CTNNA3: variants seen among roughly 807,000 people sequenced by gnomAD.
CTNNA3 encodes catenin alpha 3.
CTNNA3 carries 76 observed loss-of-function variants against 95.7 expected under a neutral mutation model. That is an observed-to-expected ratio of 0.79 (90% CI 0.66 to 0.96). The LOEUF (loss-of-function observed/expected upper bound fraction) is 0.96, where lower values mean the gene tolerates loss of function less well. Ranked by LOEUF, CTNNA3 falls within the 40% of genes least tolerant of loss-of-function variation. CTNNA3 has a pLI of 0.00. For synonymous variants in CTNNA3, 431 were observed against 374.4 expected (o/e 1.15, Z -1.74); for missense variants, 1,191 against 1,089.8 (o/e 1.09, Z -1.31).
intron 7 of CTNNA3, among the ~76,000 whole-genome samples, chr10:67,069,456 A>G (rs1856300199): frequency 2.0e-5 from 3 of 152,246 alleles, no homozygotes; most frequent in East Asian, 1.9e-4. Context: ...TATATATATT[A>G]TATGTATACA....
At chr10:66,719,504 C>T (rs887668951) in intron 9 of CTNNA3, among the ~76,000 whole-genome samples, 5 of 152,128 alleles carry the variant, frequency 3.3e-5, no homozygotes, top group Admixed American at 2.0e-4. Flanking sequence ...ACTCTTTGAT[C>T]CAGTATCCAG....
intron 15 of CTNNA3, among the ~76,000 whole-genome samples, chr10:66,006,455 G>T (rs1366831919): frequency 2.6e-5 from 4 of 152,062 alleles, no homozygotes; most frequent in Non-Finnish European, 5.9e-5. Flanking sequence ...TGGGAAATCT[G>T]TACTCAGCAC....
intron 9 of CTNNA3, among the ~76,000 whole-genome samples, chr10:66,685,207 G>A (rs1368853570): frequency 1.7e-5 from 1 of 59,466 alleles, no homozygotes; most frequent in African/African-American, 1.3e-4. Context: ...ATATATATAC[G>A]TATATATATG....
At chr10:67,379,230 A>G (rs1052370584) in intron 5 of CTNNA3, among the ~76,000 whole-genome samples, 23 of 152,200 alleles carry the variant, frequency 1.5e-4, no homozygotes, top group African/African-American at 5.1e-4. Flanking sequence ...ACCACATTGT[A>G]TAGTGAAAAT....
Position 67,180,309 on chromosome 10 carries a change from T to C in CTNNA3, c.1047+8A>G. 6.2e-7 allele frequency: 1 copy of C among 1,612,348 alleles called. No individual in the cohort carries two copies. The highest frequency in any genetic ancestry group is 8.5e-7 in the Non-Finnish European group (1 of 1,179,292). Reference sequence around the variant, plus strand: ...GGCTAGGGATGGGAAGGCAAACCAGTCACCTACGTTGTTCATGTACTCTGA... The same window carrying C: ...GGCTAGGGATGGGAAGGCAAACCAGCCACCTACGTTGTTCATGTACTCTGA... On this transcript the variant is annotated splice_region_variant and intron_variant, in intron 7 of 17. Coordinates refer to ENST00000433211, the MANE Select transcript of CTNNA3 (RefSeq NM_013266.4).
At chr10:67,172,726 C>T (rs1042327173) in intron 7 of CTNNA3, among the ~76,000 whole-genome samples, 1 of 152,094 alleles carries the variant, frequency 6.6e-6, no homozygotes, top group Admixed American at 6.6e-5. Context: ...GTAATCCCAG[C>T]ACTTTGGGAG....
intron 13 of CTNNA3, among the ~76,000 whole-genome samples, chr10:66,203,009 T>C (rs567831801): frequency 6.6e-6 from 1 of 152,342 alleles, no homozygotes; most frequent in African/African-American, 2.4e-5. Flanking sequence ...ATAAAGTCTC[T>C]ACTGGTCTCC....
intron 9 of CTNNA3, among the ~76,000 whole-genome samples, chr10:66,702,249 T>C (rs1847968729): frequency 6.6e-6 from 1 of 151,984 alleles, no homozygotes; most frequent in South Asian, 2.1e-4. Flanking sequence ...GCTTTCAGTC[T>C]CCACCTATGA....
intron 3 of CTNNA3, among the ~76,000 whole-genome samples, chr10:67,573,796 T>G (rs1242872929): frequency 6.8e-6 from 1 of 147,070 alleles, no homozygotes; most frequent in African/African-American, 2.5e-5. Flanking sequence ...ATTATCACAA[T>G]TAAAAATATA....
At chr10:67,544,128 A>G (rs1349052516) in intron 3 of CTNNA3, among the ~76,000 whole-genome samples, 3 of 152,142 alleles carry the variant, frequency 2.0e-5, no homozygotes, top group Non-Finnish European at 2.9e-5. Context: ...GTGGCTGCAT[A>G]TGGTTGCTAT....
chr10:67,061,589 A>G (rs1855760737), intron 7 of CTNNA3, among the ~76,000 whole-genome samples: 1 of 152,192 alleles, frequency 6.6e-6, no homozygotes, highest in Non-Finnish European at 1.5e-5. Context: ...TAGGAAGGCT[A>G]CCTGTGAATT....
At chr10:67,279,456 T>C in intron 5 of CTNNA3, among the ~76,000 whole-genome samples, 1 of 151,636 alleles carries the variant, frequency 6.6e-6, no homozygotes, top group Non-Finnish European at 1.5e-5. Context: ...GGCTTCAATA[T>C]GTAAAGGGGG....
intron 13 of CTNNA3, among the ~76,000 whole-genome samples, chr10:66,176,520 A>G (rs569385873): frequency 6.6e-6 from 1 of 152,228 alleles, no homozygotes; most frequent in Non-Finnish European, 1.5e-5. Context: ...AATATATGTA[A>G]AATTCACAAA....
chr10:67,070,417 T>C (rs1856373882), intron 7 of CTNNA3, among the ~76,000 whole-genome samples: 1 of 152,104 alleles, frequency 6.6e-6, no homozygotes, highest in African/African-American at 2.4e-5. Flanking sequence ...AACCAATCTC[T>C]CTCTATATAT....
intron 11 of CTNNA3, among the ~76,000 whole-genome samples, chr10:66,500,744 C>T (rs1217347192): frequency 6.6e-6 from 1 of 152,014 alleles, no homozygotes; most frequent in East Asian, 1.9e-4. Context: ...CTCCCATGAC[C>T]ATTTTCCACA....
intron 5 of CTNNA3, among the ~76,000 whole-genome samples, chr10:67,421,322 T>G (rs80228533): frequency 0.034 from 5,168 of 152,286 alleles, 250 homozygotes; most frequent in African/African-American, 0.11. Flanking sequence ...TTCCTTATGA[T>G]TATAATTCCA....
At chr10:67,510,255 C>T (rs1322684317) in intron 5 of CTNNA3, among the ~76,000 whole-genome samples, 4 of 152,128 alleles carry the variant, frequency 2.6e-5, no homozygotes. Context: ...GTAATGAAGT[C>T]TTTGCCCATG....
intron 4 of CTNNA3, among the ~76,000 whole-genome samples, chr10:67,527,848 C>T (rs1840198246): frequency 6.6e-6 from 1 of 152,148 alleles, no homozygotes; most frequent in African/African-American, 2.4e-5. Context: ...TTCTGGAAGG[C>T]CATGGAATGA....
At chr10:67,090,391 C>T (rs894456479) in intron 7 of CTNNA3, among the ~76,000 whole-genome samples, 10 of 151,998 alleles carry the variant, frequency 6.6e-5, no homozygotes, top group Non-Finnish European at 1.3e-4. Flanking sequence ...TTAATGTTCA[C>T]ACTAATGGAA....
Sources: allele counts gnomAD v4.1 joint callset (sites outside exome capture counted in the v4.1 genomes callset), GRCh38; gene constraint gnomAD v4.1.1; transcripts MANE v1.5; gene names NCBI Gene and HGNC (gene_info 2026-07-23, HGNC 2026-07-21).